CDK7: variants seen among roughly 807,000 people sequenced by gnomAD.
CDK7 encodes the protein cyclin-dependent kinase 7.
In CDK7, 25 loss-of-function variants were observed where a neutral mutation model predicts 49.1. The observed-to-expected ratio is 0.51, with a 90% CI of 0.37 to 0.71. The LOEUF is 0.71. Ranked by LOEUF, CDK7 falls within the 30% of genes least tolerant of loss-of-function variation. The probability of loss-of-function intolerance (pLI) is 0.00; values close to 1 mark genes in which losing one functional copy is unlikely to be tolerated. For synonymous variants in CDK7, 107 were observed against 140.0 expected (o/e 0.76, Z 1.67); for missense variants, 316 against 411.7 (o/e 0.77, Z 2.01).
chr5:69,251,533 C>G (rs566932919), intron 2 of CDK7, among the ~76,000 whole-genome samples: 1 of 152,212 alleles, frequency 6.6e-6, no homozygotes, highest in African/African-American at 2.4e-5. Flanking sequence ...GCATGAGCCA[C>G]TTGTGTTTTT....
Position 69,270,595 on chromosome 5 carries a change from A to G in CDK7, c.714+1302A>G, listed in dbSNP as rs564239683. 4.6e-5 allele frequency among the ~76,000 whole-genome samples: 7 copies of G among 152,326 alleles called. No homozygotes were observed. The East Asian group carries it at 1.3e-3, about 29-fold the overall frequency. The stretch of plus-strand genomic sequence containing the variant: ...TATCACCACAAGAATCTCTCATGGT[A>G]TTCTTTTATAGCTATGCTTACTTTC... On this transcript the variant is annotated intron_variant, in intron 9 of 11. Transcript: ENST00000256443.
chr5:69,251,184 G>A (rs1750120189), intron 2 of CDK7, among the ~76,000 whole-genome samples: 1 of 149,476 alleles, frequency 6.7e-6, no homozygotes, highest in African/African-American at 2.5e-5. Flanking sequence ...TGCAAGCTCC[G>A]CCTCCTGGGT....
intron 5 of CDK7, chr5:69,255,841 G>A (rs911359592): frequency 4.0e-6 from 1 of 252,768 alleles, no homozygotes; most frequent in East Asian, 9.8e-5. Flanking sequence ...TTTTTTTTTT[G>A]TGATGGAGTC....
chr5:69,256,871 A>G (rs1279983978), intron 5 of CDK7, among the ~76,000 whole-genome samples: 1 of 152,154 alleles, frequency 6.6e-6, no homozygotes, highest in Non-Finnish European at 1.5e-5. Flanking sequence ...AAGAAAAAAA[A>G]AAGAAACAAA....
chr5:69,275,639 T>C (rs918469256), intron 10 of CDK7, among the ~76,000 whole-genome samples: 3 of 152,218 alleles, frequency 2.0e-5, no homozygotes, highest in African/African-American at 7.2e-5. Context: ...CTTTGTTTTA[T>C]GTACAAAATT....
At chr5:69,238,663 A>AT (rs200607900) in intron 2 of CDK7, among the ~76,000 whole-genome samples, 16,467 of 142,168 alleles carry the variant, frequency 0.12, 1,127 homozygotes, top group South Asian at 0.19. Context: ...TTTTTATTTT[A>AT]TTTTTTTTTT....
intron 5 of CDK7, among the ~76,000 whole-genome samples, chr5:69,257,660 G>T (rs1310290755): frequency 6.6e-6 from 1 of 152,178 alleles, no homozygotes; most frequent in African/African-American, 2.4e-5. Context: ...TGATAATGGG[G>T]ATGCCTGGGT....
chr5:69,271,041 A>G (rs1751488863), intron 9 of CDK7, among the ~76,000 whole-genome samples: 1 of 152,202 alleles, frequency 6.6e-6, no homozygotes, highest in South Asian at 2.1e-4. Flanking sequence ...TTTTTAAATA[A>G]CCTGCAAAAC....
chr5:69,261,813 G>C (rs531777605), intron 7 of CDK7, among the ~76,000 whole-genome samples: 4 of 152,328 alleles, frequency 2.6e-5, no homozygotes, highest in African/African-American at 9.6e-5. Flanking sequence ...ACAGGCGTGA[G>C]CCACCACACC....
intron 8 of CDK7, among the ~76,000 whole-genome samples, chr5:69,264,999 C>T (rs1441964861): frequency 1.3e-5 from 2 of 150,912 alleles, no homozygotes; most frequent in Admixed American, 6.6e-5. Flanking sequence ...CACGGTGGCT[C>T]ACGCCTGCAA....
intron 2 of CDK7, among the ~76,000 whole-genome samples, chr5:69,237,710 G>A (rs1749094762): frequency 6.6e-6 from 1 of 152,108 alleles, no homozygotes; most frequent in Non-Finnish European, 1.5e-5. Flanking sequence ...CAGCACTTTG[G>A]GAGCTCGAGG....
At chr5:69,260,610 A>G (rs747494107) in intron 7 of CDK7, among the ~76,000 whole-genome samples, 27 of 152,166 alleles carry the variant, frequency 1.8e-4, no homozygotes, top group Non-Finnish European at 3.2e-4. Flanking sequence ...GTATCCTTCT[A>G]TGTAAATGAA....
At chr5:69,235,310 T>C in intron 1 of CDK7, 84 bp from the exon 2 acceptor site, 1 of 1,048,288 alleles carries the variant, frequency 9.5e-7, no homozygotes, top group Non-Finnish European at 1.5e-6. Flanking sequence ...AACTCTGGGC[T>C]CTTTGCTTCG....
intron 4 of CDK7, 36 bp downstream of exon 4, chr5:69,254,705 C>T (rs1178813431): frequency 1.8e-6 from 2 of 1,117,748 alleles, no homozygotes; most frequent in Non-Finnish European, 2.7e-6. Context: ...GGATTTGGGA[C>T]TCTGCCTTTT....
intron 5 of CDK7, chr5:69,256,046 C>G (rs1163951808): frequency 6.4e-6 from 1 of 155,968 alleles, no homozygotes; most frequent in Non-Finnish European, 1.4e-5. Flanking sequence ...TCTTGAACTC[C>G]TGACCTCAAG....
chr5:69,246,554 C>CTTGTT (rs1326055906), intron 2 of CDK7, among the ~76,000 whole-genome samples: 10 of 152,206 alleles, frequency 6.6e-5, no homozygotes, highest in Non-Finnish European at 1.3e-4. Context: ...AAAACACCAA[C>CTTGTT]TTGTTATTTT....
At chr5:69,270,818 A>G (rs1225386559) in intron 9 of CDK7, among the ~76,000 whole-genome samples, 2 of 152,180 alleles carry the variant, frequency 1.3e-5, no homozygotes, top group African/African-American at 4.8e-5. Flanking sequence ...CTCTTTTGTT[A>G]ACTGCTGAGT....
At position 69,276,705 on chromosome 5, in the gene CDK7, T is replaced by C; in HGVS notation, c.1012+15T>C. On this transcript the variant is annotated intron_variant, in intron 11 of 11. Transcript: ENST00000256443. The stretch of plus-strand genomic sequence containing the variant: ...CTTAGAACAAGGTAAGATTCCCACT[T>C]TTAAAAGAAATTAAATGAATTTAGA... 1.2e-6 allele frequency: 2 copies of C among 1,604,082 alleles called. No individual in the cohort carries two copies. The highest frequency in any genetic ancestry group is 1.7e-6 in the Non-Finnish European group (2 of 1,176,206).
intron 6 of CDK7, among the ~76,000 whole-genome samples, chr5:69,258,582 C>T (rs1750633364): frequency 6.6e-6 from 1 of 152,008 alleles, no homozygotes; most frequent in Non-Finnish European, 1.5e-5. Flanking sequence ...CGGGGTTTCA[C>T]CGTGTTAGCC....
Sources: allele counts gnomAD v4.1 joint callset (sites outside exome capture counted in the v4.1 genomes callset), GRCh38; gene constraint gnomAD v4.1.1; transcripts MANE v1.5; gene names NCBI Gene and HGNC (gene_info 2026-07-23, HGNC 2026-07-21).